Variants in STAM observed in about 807,000 individuals in gnomAD.
STAM encodes the protein signal transducing adapter molecule 1.
STAM carries 16 observed loss-of-function variants against 63.4 expected under a neutral mutation model. The ratio of observed to expected loss-of-function variants is 0.25; its 90% CI spans 0.17 to 0.38. The LOEUF (loss-of-function observed/expected upper bound fraction) is 0.38, where lower values mean the gene tolerates loss of function less well. Among genes scored for constraint, STAM ranks in the 10% least tolerant of loss-of-function variants. The pLI is 1.00. For synonymous variants in STAM, 238 were observed against 223.9 expected (o/e 1.06, Z -0.56); for missense variants, 636 against 657.1 (o/e 0.97, Z 0.35).
intron 9 of STAM, 54 bp downstream of exon 9, chr10:17,700,333 GT>G (rs1835937505): frequency 7.2e-7 from 1 of 1,380,010 alleles, no homozygotes; most frequent in Non-Finnish European, 9.8e-7. Context: ...AATTTAAATG[GT>G]TTTGCTTTAA....
At chr10:17,685,005 G>A in intron 4 of STAM, 78 bp downstream of exon 4, 3 of 1,156,766 alleles carry the variant, frequency 2.6e-6, no homozygotes, top group Non-Finnish European at 3.7e-6. Flanking sequence ...TCTTCACAGA[G>A]GACTATTCTG....
chr10:17,649,278 G>C (rs1195416802), intron 1 of STAM, among the ~76,000 whole-genome samples: 1 of 151,862 alleles, frequency 6.6e-6, no homozygotes, highest in East Asian at 1.9e-4. Flanking sequence ...TGGTATGCCT[G>C]TAGTCCCATT....
Position 17,715,388 on chromosome 10 carries a change from GATAT to G in STAM, c.*619_*622del. On this transcript the variant is annotated 3_prime_UTR_variant, in exon 14 of 14. Transcript: ENST00000377524. ...CCTTTTACTAATTGTGAGCTAAAGAGATATATATATATATGTGTGTGTATATATA... is the reference window on the plus strand; with the variant it reads ...CCTTTTACTAATTGTGAGCTAAAGAGATATATATATGTGTGTGTATATATA... The G allele has an allele frequency of 6.4e-6, 1 of 156,066 alleles. No homozygotes were observed. The highest frequency in any genetic ancestry group is 1.4e-5 in the Non-Finnish European group (1 of 70,580). 9.7% of individuals were successfully genotyped at this position (156,066 alleles called of 1,614,324 possible).
chr10:17,647,911 C>G (rs147096114), intron 1 of STAM, among the ~76,000 whole-genome samples: 1 of 152,202 alleles, frequency 6.6e-6, no homozygotes, highest in Non-Finnish European at 1.5e-5. Context: ...CTGAGCATCT[C>G]CATTTGGATT....
rs113632266 is a variant in STAM at position 17,705,449 on chromosome 10, A to G, written c.1056-139A>G. ...TTGCTTCAGGGCTAAAATGCAGGAT[A>G]TTTTTGTTATAAGTGAAATTTTTAA... On this transcript the variant is annotated intron_variant, in intron 11 of 13. Transcript: ENST00000377524. 2,251 of 1,032,808 alleles carry G rather than the reference A, an allele frequency of 2.2e-3. 30 individuals are homozygous for G. The African/African-American group carries it at 0.029, about 13-fold the overall frequency. The allele number at this position is 1,032,808 out of a possible 1,614,324, so 64.0% of individuals were successfully genotyped here. A position where few individuals can be genotyped will look rare whatever the true frequency, so the allele number is the denominator to read the frequency against.
At chr10:17,644,483 C>T (rs1419402995) in intron 1 of STAM, 104 bp downstream of exon 1, 35 of 1,387,444 alleles carry the variant, frequency 2.5e-5, no homozygotes, top group Non-Finnish European at 3.4e-5. Flanking sequence ...CAAGGAAGAG[C>T]TCGCTCTTCC....
rs76216720 is a variant in STAM, at chr10:17,672,288, A to G, written c.125+11740A>G. Among the ~76,000 whole-genome samples the G allele has an allele frequency of 1.1e-3, 168 of 152,356 alleles. 5 individuals are homozygous for G. In the East Asian group the frequency reaches 0.031, roughly 28 times the overall value. ...AATATAGTGACATTGTTGAAAACTT[A>G]CTGTGGGCCATTCAAAGACATTTGA... On this transcript the variant is annotated intron_variant, in intron 2 of 13. Coordinates refer to ENST00000377524, the MANE Select transcript of STAM (RefSeq NM_003473.4).
intron 2 of STAM, among the ~76,000 whole-genome samples, chr10:17,680,770 C>T (rs538750308): frequency 1.2e-4 from 19 of 152,290 alleles, no homozygotes; most frequent in African/African-American, 4.1e-4. Flanking sequence ...CCTGTTGTGA[C>T]CAGCTTATTT....
At chr10:17,669,406 A>G (rs1226026349) in intron 2 of STAM, among the ~76,000 whole-genome samples, 2 of 136,416 alleles carry the variant, frequency 1.5e-5, no homozygotes, top group Non-Finnish European at 3.1e-5. Context: ...TCCCCTTCCT[A>G]CTCTCATTAA....
intron 9 of STAM, among the ~76,000 whole-genome samples, chr10:17,702,011 T>C (rs1836020204): frequency 1.3e-5 from 2 of 152,170 alleles, no homozygotes; most frequent in Non-Finnish European, 1.5e-5. Flanking sequence ...TTCCATTCCA[T>C]CTTTCAGAAG....
chr10:17,693,073 C>T, intron 5 of STAM, 149 bp from the exon 6 acceptor site: 1 of 632,696 alleles, frequency 1.6e-6, no homozygotes, highest in South Asian at 2.2e-5. Context: ...TTCCCTCTCC[C>T]TTTTAAGGTG....
At chr10:17,653,453 G>A (rs1307572083) in intron 1 of STAM, among the ~76,000 whole-genome samples, 1 of 152,132 alleles carries the variant, frequency 6.6e-6, no homozygotes, top group Admixed American at 6.5e-5. Flanking sequence ...ACACATTGTG[G>A]TGATACACAC....
intron 8 of STAM, 31 bp from the exon 9 acceptor site, chr10:17,700,160 T>TA: frequency 2.0e-6 from 3 of 1,527,708 alleles, no homozygotes; most frequent in Non-Finnish European, 2.7e-6. Flanking sequence ...AATGTATTAT[T>TA]AAAAAAAGAT....
intron 2 of STAM, among the ~76,000 whole-genome samples, chr10:17,660,831 T>TA (rs1300417668): frequency 1.3e-5 from 2 of 152,206 alleles, no homozygotes; most frequent in African/African-American, 4.8e-5. Flanking sequence ...ATATTTTTAT[T>TA]AAAAAGATTT....
intron 13 of STAM, among the ~76,000 whole-genome samples, chr10:17,712,224 C>A (rs1836586269): frequency 6.6e-6 from 1 of 152,194 alleles, no homozygotes; most frequent in East Asian, 1.9e-4. Context: ...TAAACTATTA[C>A]CCCCATTTTA....
chr10:17,714,777 A>G lies in STAM; in HGVS notation c.1620A>G (p.Leu540=), dbSNP rs782073248. The G allele has an allele frequency of 7.4e-6, 12 of 1,613,992 alleles. No homozygotes were observed. The highest frequency in any genetic ancestry group is 8.5e-6 in the Non-Finnish European group (10 of 1,179,876). ...AACCATATTCTCAGAAGGCTCTGCTATAGGACCCGGTGTTCCTCTTGGTGG... is the reference window on the plus strand; with the variant it reads ...AACCATATTCTCAGAAGGCTCTGCTGTAGGACCCGGTGTTCCTCTTGGTGG... ...PQQPYSQKAL[L] is the part of the protein sequence containing the mutation. Residue 540 remains leucine (L), a synonymous_variant, in exon 14 of 14, where the codon CTA becomes CTG. Coordinates refer to ENST00000377524, the MANE Select transcript of STAM (RefSeq NM_003473.4).
chr10:17,695,021 G>T, intron 6 of STAM, 28 bp from the exon 7 acceptor site: 2 of 1,600,028 alleles, frequency 1.2e-6, no homozygotes. Flanking sequence ...ATAACATTTT[G>T]GGTCTTTAAA....
chr10:17,713,589 A>G (rs782682847), intron 13 of STAM, among the ~76,000 whole-genome samples: 1 of 151,804 alleles, frequency 6.6e-6, no homozygotes, highest in African/African-American at 2.4e-5. Flanking sequence ...TATTTCTACC[A>G]GTTTTTAGGT....
rs1835114267 is a variant in STAM at position 17,682,151 on chromosome 10, G to T, written c.126-2524G>T. ...AGATAGCATTTAATCACTCCCAAAA[G>T]TTCCTTCCACCTTATGCAAGTACTA... On this transcript the variant is annotated intron_variant, in intron 2 of 13. Transcript: ENST00000377524. 3.3e-5 allele frequency among the ~76,000 whole-genome samples: 5 copies of T among 152,044 alleles called. 1 individual carries two copies. Among genetic ancestry groups the T allele is most frequent in the Admixed American group, 3.3e-4 (5 of 15,268 alleles).
Sources: allele counts gnomAD v4.1 joint callset (sites outside exome capture counted in the v4.1 genomes callset), GRCh38; gene constraint gnomAD v4.1.1; transcripts MANE v1.5; gene names NCBI Gene and HGNC (gene_info 2026-07-23, HGNC 2026-07-21).